TRIM44: variants seen among roughly 807,000 people sequenced by gnomAD.
TRIM44 encodes tripartite motif containing 44.
Under a neutral mutation model 37.4 loss-of-function variants are expected in TRIM44, and 13 were observed. That is an observed-to-expected ratio of 0.35 (90% CI 0.23 to 0.55). The LOEUF (loss-of-function observed/expected upper bound fraction) is 0.55. Among genes scored for constraint, TRIM44 ranks in the 20% least tolerant of loss-of-function variants. The pLI is 0.89. For missense variants in TRIM44, 426 were observed against 437.2 expected (o/e 0.97, Z 0.23); for synonymous variants, 175 against 157.2 (o/e 1.11, Z -0.85).
At chr11:35,744,267 C>T (rs1852456324) in intron 4 of TRIM44, among the ~76,000 whole-genome samples, 1 of 152,114 alleles carries the variant, frequency 6.6e-6, no homozygotes. Context: ...TGAGTATGTG[C>T]TACACAATAT....
intron 4 of TRIM44, among the ~76,000 whole-genome samples, chr11:35,758,007 T>C (rs1280296541): frequency 6.6e-6 from 1 of 152,204 alleles, no homozygotes; most frequent in Admixed American, 6.5e-5. Context: ...TGTAGATGTC[T>C]ATTAGGTCCG....
At position 35,663,054 on chromosome 11, in the gene TRIM44, C is replaced by T. The variant is rs1385237730; in HGVS notation, c.-58C>T. The T allele has an allele frequency of 1.4e-6, 2 of 1,460,052 alleles. No homozygotes were observed. Among genetic ancestry groups the T allele is most frequent in the Non-Finnish European group, 1.8e-6 (2 of 1,113,646 alleles). 90.4% of individuals were successfully genotyped at this position (1,460,052 alleles called of 1,614,324 possible). On this transcript the variant is annotated 5_prime_UTR_variant, in exon 1 of 5. Coordinates refer to ENST00000299413, the MANE Select transcript of TRIM44 (RefSeq NM_017583.6). ...GGCGGGAGGAGGAAGTGAGGCCGCG[C>T]GGAAGGAAGGCGGCGAGCCCCGGGG...
intron 4 of TRIM44, among the ~76,000 whole-genome samples, chr11:35,751,249 C>T (rs1249875980): frequency 6.6e-6 from 1 of 152,172 alleles, no homozygotes; most frequent in Non-Finnish European, 1.5e-5. Context: ...CTTGATAGTG[C>T]CTCTTACATC....
At chr11:35,756,785 T>G (rs1044389519) in intron 4 of TRIM44, among the ~76,000 whole-genome samples, 2 of 152,210 alleles carry the variant, frequency 1.3e-5, no homozygotes, top group African/African-American at 4.8e-5. Context: ...TGTCGTTGGT[T>G]CTGTTTATAT....
chr11:35,700,862 C>T (rs1851778864), intron 2 of TRIM44, among the ~76,000 whole-genome samples: 1 of 152,144 alleles, frequency 6.6e-6, no homozygotes, highest in Non-Finnish European at 1.5e-5. Context: ...TATGGAACTA[C>T]AACATTACTG....
At chr11:35,735,347 G>A (rs1852314898) in intron 3 of TRIM44, 79 bp from the exon 4 acceptor site, 24 of 1,445,028 alleles carry the variant, frequency 1.7e-5, no homozygotes, top group Non-Finnish European at 2.1e-5. Context: ...GTTGGGAGAG[G>A]GGAGGGAAAA....
intron 4 of TRIM44, among the ~76,000 whole-genome samples, chr11:35,800,334 G>A (rs1301068831): frequency 6.6e-6 from 1 of 152,196 alleles, no homozygotes; most frequent in East Asian, 1.9e-4. Flanking sequence ...TGTGGAAGGG[G>A]ACCCGAGTGG....
intron 1 of TRIM44, among the ~76,000 whole-genome samples, chr11:35,666,549 G>T (rs559757992): frequency 7.2e-5 from 11 of 152,086 alleles, no homozygotes; most frequent in Non-Finnish European, 1.2e-4. Flanking sequence ...TTTCCTCAAA[G>T]ATTTTTCACA....
At chr11:35,680,853 T>G (rs1379832580) in intron 1 of TRIM44, among the ~76,000 whole-genome samples, 2 of 152,216 alleles carry the variant, frequency 1.3e-5, no homozygotes, top group African/African-American at 4.8e-5. Flanking sequence ...TGAGTGAGTC[T>G]GAGCATCTTT....
rs1853589761 is a variant in TRIM44 at position 35,816,985 on chromosome 11, G to GT, written c.*10601dup. On this transcript the variant is annotated 3_prime_UTR_variant, in exon 5 of 5. Transcript: ENST00000299413. ...CCCCATGTACTTTTTCATATCAACGGTAAGTACCTCAAATTACCGTATGTA... is the reference window on the plus strand; with the variant it reads ...CCCCATGTACTTTTTCATATCAACGGTTAAGTACCTCAAATTACCGTATGTA... 1.3e-5 allele frequency: 2 copies of GT among 152,122 alleles called. No individual in the cohort carries two copies. Among genetic ancestry groups the GT allele is most frequent in the Admixed American group, 6.6e-5 (1 of 15,264 alleles). 9.4% of individuals were successfully genotyped at this position (152,122 alleles called of 1,614,324 possible). A position where few individuals can be genotyped will look rare whatever the true frequency, so the allele number is the denominator to read the frequency against.
chr11:35,762,140 G>T (rs1346419149), intron 4 of TRIM44, among the ~76,000 whole-genome samples: 1 of 152,188 alleles, frequency 6.6e-6, no homozygotes, highest in East Asian at 1.9e-4. Flanking sequence ...CTGCTCTCTG[G>T]AAAAGCAGGG....
chr11:35,769,377 G>A (rs953593551), intron 4 of TRIM44, among the ~76,000 whole-genome samples: 2 of 152,210 alleles, frequency 1.3e-5, no homozygotes, highest in African/African-American at 4.8e-5. Flanking sequence ...TCAGTTCACA[G>A]TTGGCATTGT....
rs1565399881 is a variant in TRIM44 at position 35,663,477 on chromosome 11, T to TGAG, written c.370_372dup (p.Glu124dup). The TGAG allele has an allele frequency of 6.4e-7, 1 of 1,567,792 alleles. No individual in the cohort carries two copies. Among genetic ancestry groups the TGAG allele is most frequent in the Admixed American group, 1.9e-5 (1 of 52,082 alleles). ...AGGAAGAGAGTGAGGATGAGAGCGA[T>TGAG]GAGGAGAGTGAAGAAGACAGCGAGG... On this transcript the variant is annotated inframe_insertion, in exon 1 of 5. Transcript: ENST00000299413.
chr11:35,675,975 C>G (rs996394730), intron 1 of TRIM44, among the ~76,000 whole-genome samples: 1 of 152,124 alleles, frequency 6.6e-6, no homozygotes, highest in African/African-American at 2.4e-5. Flanking sequence ...CAGCTAAAAG[C>G]TGAGGTTCTT....
At chr11:35,728,404 C>G (rs532715217) in intron 3 of TRIM44, among the ~76,000 whole-genome samples, 4 of 152,316 alleles carry the variant, frequency 2.6e-5, no homozygotes, top group African/African-American at 9.6e-5. Context: ...CTGACATTAG[C>G]TGTCCTTTAA....
intron 4 of TRIM44, among the ~76,000 whole-genome samples, chr11:35,776,688 C>CTTTA (rs1270233393): frequency 3.3e-5 from 5 of 150,686 alleles, no homozygotes; most frequent in Admixed American, 1.3e-4. Flanking sequence ...CAAAGAACAG[C>CTTTA]TTTCTGCCTT....
chr11:35,793,316 G>C (rs1853241639), intron 4 of TRIM44, among the ~76,000 whole-genome samples: 1 of 152,108 alleles, frequency 6.6e-6, no homozygotes, highest in African/African-American at 2.4e-5. Flanking sequence ...CCTGAGGTCA[G>C]GAGTTCGAGA....
rs772341717 is a variant in TRIM44 at position 35,726,019 on chromosome 11, G to A, written c.843G>A (p.Val281=). 6.2e-7 allele frequency: 1 copy of A among 1,614,102 alleles called. No individual in the cohort carries two copies. Among genetic ancestry groups the A allele is most frequent in the Non-Finnish European group, 8.5e-7 (1 of 1,180,020 alleles). The change falls in exon 3 of 5, where the codon GTG becomes GTA. Residue 281 remains valine, a synonymous_variant. Transcript: ENST00000299413. The stretch of plus-strand genomic sequence containing the variant: ...AGGAGCAGAAGGCCCTTCATCTAGT[G>A]GACATCCAAGAGGCAATGGCCACAG... ...ADEEQKALHL[V]DIQEAMATAH...
intron 4 of TRIM44, among the ~76,000 whole-genome samples, chr11:35,781,853 A>T (rs908638445): frequency 2.0e-5 from 3 of 152,228 alleles, no homozygotes; most frequent in Non-Finnish European, 4.4e-5. Context: ...TTTCCAACCT[A>T]GAACCTCTGA....
Sources: allele counts gnomAD v4.1 joint callset (sites outside exome capture counted in the v4.1 genomes callset), GRCh38; gene constraint gnomAD v4.1.1; transcripts MANE v1.5; gene names NCBI Gene and HGNC (gene_info 2026-07-23, HGNC 2026-07-21).